Variants in KLF12 observed in about 807,000 individuals in gnomAD.
KLF12 encodes the protein Krueppel-like factor 12.
A neutral mutation model predicts 37.8 loss-of-function variants in KLF12; 9 were observed. The observed-to-expected ratio is 0.24, with a 90% confidence interval of 0.14 to 0.42. KLF12 has a LOEUF of 0.42. KLF12 is among the 10% of genes least tolerant of loss of function. The pLI is 1.00. For synonymous variants in KLF12, 208 were observed against 202.1 expected (o/e 1.03, Z -0.25); for missense variants, 411 against 516.0 (o/e 0.80, Z 1.97).
the KLF12 span, among the ~76,000 whole-genome samples, chr13:74,212,737 G>T: frequency 6.6e-6 from 1 of 152,080 alleles, no homozygotes; most frequent in Admixed American, 6.6e-5. Flanking sequence ...GACAAAAAAG[G>T]GAGTCAGGGA....
chr13:73,854,014 T>C (rs1383113361), intron 3 of KLF12, among the ~76,000 whole-genome samples: 1 of 152,190 alleles, frequency 6.6e-6, no homozygotes, highest in East Asian at 1.9e-4. Flanking sequence ...TTAAGTCCTA[T>C]TATCTTGCAA....
intron 3 of KLF12, among the ~76,000 whole-genome samples, chr13:73,852,682 C>T (rs375702588): frequency 9.2e-5 from 14 of 151,580 alleles, no homozygotes; most frequent in East Asian, 7.9e-4. Flanking sequence ...GAAGCTGAGG[C>T]AGGAGAATCA....
At chr13:73,968,591 A>G (rs2138086761) in intron 2 of KLF12, among the ~76,000 whole-genome samples, 1 of 152,314 alleles carries the variant, frequency 6.6e-6, no homozygotes, top group African/African-American at 2.4e-5. Flanking sequence ...TCATCTTGGG[A>G]CTTTGACTTA....
intron 1 of KLF12, among the ~76,000 whole-genome samples, chr13:74,123,585 C>G (rs1877763709): frequency 6.6e-6 from 1 of 152,180 alleles, no homozygotes; most frequent in South Asian, 2.1e-4. Flanking sequence ...ATGGATGTCT[C>G]TAACTGCACA....
At chr13:74,271,867 T>G in the KLF12 span, among the ~76,000 whole-genome samples, 1 of 152,146 alleles carries the variant, frequency 6.6e-6, no homozygotes, top group African/African-American at 2.4e-5. Context: ...ATGGGTATGG[T>G]GACCAGACTC....
At chr13:74,193,872 T>C in the KLF12 span, among the ~76,000 whole-genome samples, 1 of 152,214 alleles carries the variant, frequency 6.6e-6, no homozygotes, top group Non-Finnish European at 1.5e-5. Context: ...CCTATGCTAC[T>C]AGTATTTGTA....
intron 1 of KLF12, among the ~76,000 whole-genome samples, chr13:74,118,143 G>T (rs1877419967): frequency 6.6e-6 from 1 of 152,058 alleles, no homozygotes; most frequent in Non-Finnish European, 1.5e-5. Context: ...AGTATTTATG[G>T]GTAAAATTAT....
the KLF12 span, among the ~76,000 whole-genome samples, chr13:74,297,544 G>C: frequency 6.6e-6 from 1 of 152,222 alleles, no homozygotes; most frequent in Non-Finnish European, 1.5e-5. Context: ...GTGGGCAGCT[G>C]TATTTTGCCC....
At chr13:74,211,944 T>C in the KLF12 span, among the ~76,000 whole-genome samples, 1 of 152,202 alleles carries the variant, frequency 6.6e-6, no homozygotes, top group East Asian at 1.9e-4. Context: ...GGCCTTTTCT[T>C]TGGGTAAAGA....
chr13:74,002,402 TCTC>T (rs1892303303), intron 1 of KLF12, among the ~76,000 whole-genome samples: 3 of 152,334 alleles, frequency 2.0e-5, no homozygotes, highest in South Asian at 2.1e-4. Flanking sequence ...CGAGACAGGG[TCTC>T]ACTCTGTCAT....
chr13:74,280,690 G>A, the KLF12 span, among the ~76,000 whole-genome samples: 1 of 152,136 alleles, frequency 6.6e-6, no homozygotes, highest in Non-Finnish European at 1.5e-5. Context: ...AGCAGTGAAA[G>A]AACCTTTGGT....
At chr13:74,123,174 CCTAT>C (rs1877737003) in intron 1 of KLF12, among the ~76,000 whole-genome samples, 1 of 151,856 alleles carries the variant, frequency 6.6e-6, no homozygotes, top group African/African-American at 2.4e-5. Flanking sequence ...ATCATAAATA[CCTAT>C]CTGTGTGTTG....
At chr13:73,711,443 C>G (rs150347031) in intron 7 of KLF12, among the ~76,000 whole-genome samples, 1 of 152,210 alleles carries the variant, frequency 6.6e-6, no homozygotes, top group Non-Finnish European at 1.5e-5. Flanking sequence ...GAGACAGTAA[C>G]CTTCAGCTGA....
the KLF12 span, among the ~76,000 whole-genome samples, chr13:74,187,105 T>C: frequency 2.2e-4 from 34 of 152,172 alleles, no homozygotes; most frequent in African/African-American, 7.7e-4. Context: ...GGTCCATTAT[T>C]GCTCAGTGGT....
intron 2 of KLF12, among the ~76,000 whole-genome samples, chr13:73,949,998 C>G (rs1335428305): frequency 6.6e-6 from 1 of 152,134 alleles, no homozygotes; most frequent in Non-Finnish European, 1.5e-5. Flanking sequence ...AAATATTTGT[C>G]TTCGGTTTCA....
At chr13:73,946,641 T>C (rs999075422) in intron 2 of KLF12, among the ~76,000 whole-genome samples, 3 of 152,204 alleles carry the variant, frequency 2.0e-5, no homozygotes, top group African/African-American at 4.8e-5. Context: ...TGGAAATCTT[T>C]CTATGATTTT....
At chr13:73,750,445 G>T (rs976274076) in intron 6 of KLF12, among the ~76,000 whole-genome samples, 6 of 152,116 alleles carry the variant, frequency 3.9e-5, no homozygotes, top group African/African-American at 1.4e-4. Flanking sequence ...AGCCAGGCAA[G>T]GACAGCCTTC....
chr13:73,999,112 CA>C (rs2138294999), intron 1 of KLF12, among the ~76,000 whole-genome samples: 1 of 152,282 alleles, frequency 6.6e-6, no homozygotes, highest in African/African-American at 2.4e-5. Context: ...ATGCCTCTCA[CA>C]ATAGGAGAGA....
intron 1 of KLF12, among the ~76,000 whole-genome samples, chr13:74,010,594 T>C (rs1892527037): frequency 6.6e-6 from 1 of 152,184 alleles, no homozygotes; most frequent in Admixed American, 6.5e-5. Context: ...CTAAAACATG[T>C]AATTTGTACA....
Sources: allele counts gnomAD v4.1 joint callset (sites outside exome capture counted in the v4.1 genomes callset), GRCh38; gene constraint gnomAD v4.1.1; transcripts MANE v1.5; gene names NCBI Gene and HGNC (gene_info 2026-07-23, HGNC 2026-07-21).